Variants in NRG3 observed in about 807,000 individuals in gnomAD.
NRG3 encodes pro-neuregulin-3, membrane-bound isoform.
In NRG3, 31 loss-of-function variants were observed where a neutral mutation model predicts 66.9. That is an observed-to-expected ratio of 0.46 (90% CI 0.35 to 0.63). NRG3 has a LOEUF of 0.63. Among genes scored for constraint, NRG3 ranks in the 20% least tolerant of loss-of-function variants. The pLI is 0.00. For synonymous variants in NRG3, 393 were observed against 359.4 expected (o/e 1.09, Z -1.06); for missense variants, 910 against 878.9 (o/e 1.04, Z -0.45).
intron 2 of NRG3, among the ~76,000 whole-genome samples, chr10:82,594,838 T>G (rs1306218708): frequency 6.6e-6 from 1 of 152,004 alleles, no homozygotes; most frequent in Non-Finnish European, 1.5e-5. Flanking sequence ...TATCTTTTTT[T>G]AAATAAGGTG....
intron 1 of NRG3, among the ~76,000 whole-genome samples, chr10:82,154,869 A>G (rs1700071512): frequency 6.6e-6 from 1 of 151,794 alleles, no homozygotes; most frequent in South Asian, 2.1e-4. Context: ...TTAGTGTTAT[A>G]GGAAATGTAC....
At chr10:82,301,979 T>C (rs756465660) in intron 1 of NRG3, among the ~76,000 whole-genome samples, 2 of 151,952 alleles carry the variant, frequency 1.3e-5, no homozygotes, top group African/African-American at 2.4e-5. Flanking sequence ...ATTGACTCCA[T>C]TTAGAGAAAA....
At chr10:82,963,762 A>AAAAACTTGAAAAT (rs1564672196) in intron 6 of NRG3, among the ~76,000 whole-genome samples, 2 of 152,240 alleles carry the variant, frequency 1.3e-5, no homozygotes, top group Admixed American at 6.5e-5. Context: ...TACAAATTCC[A>AAAAACTTGAAAAT]AAAACTTGAA....
chr10:82,875,757 A>G (rs962251931), intron 4 of NRG3, among the ~76,000 whole-genome samples: 2 of 152,202 alleles, frequency 1.3e-5, no homozygotes, highest in African/African-American at 4.8e-5. Flanking sequence ...TTTTGTTTTA[A>G]CAAAGTTATC....
At chr10:82,154,037 T>C (rs775313369) in intron 1 of NRG3, among the ~76,000 whole-genome samples, 1 of 152,022 alleles carries the variant, frequency 6.6e-6, no homozygotes, top group Admixed American at 6.6e-5. Context: ...CACTTCGTTC[T>C]TAATTGTTTT....
At chr10:82,199,202 T>G (rs937890797) in intron 1 of NRG3, among the ~76,000 whole-genome samples, 1 of 147,126 alleles carries the variant, frequency 6.8e-6, no homozygotes, top group African/African-American at 2.5e-5. Context: ...GAAAAAAAAA[T>G]AACTCAAGTA....
chr10:82,620,958 C>T (rs1590906574), intron 2 of NRG3, among the ~76,000 whole-genome samples: 1 of 152,030 alleles, frequency 6.6e-6, no homozygotes, highest in Middle Eastern at 3.4e-3. Flanking sequence ...TTAGAATTGG[C>T]ATTATCAAGG....
intron 1 of NRG3, among the ~76,000 whole-genome samples, chr10:81,939,562 G>C (rs919282482): frequency 6.6e-6 from 1 of 151,550 alleles, no homozygotes; most frequent in Non-Finnish European, 1.5e-5. Flanking sequence ...TGTATGATTA[G>C]TTATAGCAAT....
At chr10:82,131,368 C>G (rs1045063649) in intron 1 of NRG3, among the ~76,000 whole-genome samples, 1 of 152,038 alleles carries the variant, frequency 6.6e-6, no homozygotes, top group Non-Finnish European at 1.5e-5. Flanking sequence ...GGATTTATTT[C>G]TGGGTTCTCT....
At chr10:81,898,688 G>A (rs1046458621) in intron 1 of NRG3, among the ~76,000 whole-genome samples, 9 of 151,018 alleles carry the variant, frequency 6.0e-5, no homozygotes, top group Non-Finnish European at 1.2e-4. Context: ...TAAATAATAC[G>A]TGTTTGAAGA....
intron 1 of NRG3, among the ~76,000 whole-genome samples, chr10:82,047,633 C>G (rs1251629087): frequency 6.6e-6 from 1 of 151,862 alleles, no homozygotes; most frequent in East Asian, 1.9e-4. Flanking sequence ...CCAGTACCAG[C>G]TGCCGCAAAA....
At chr10:82,077,598 G>A (rs1411255087) in intron 1 of NRG3, among the ~76,000 whole-genome samples, 2 of 152,146 alleles carry the variant, frequency 1.3e-5, no homozygotes, top group African/African-American at 4.8e-5. Context: ...GCACAGGAAT[G>A]GGAGAGGAAA....
At chr10:82,595,432 A>G (rs942627838) in intron 2 of NRG3, among the ~76,000 whole-genome samples, 1 of 152,176 alleles carries the variant, frequency 6.6e-6, no homozygotes, top group Non-Finnish European at 1.5e-5. Context: ...TTTAGAGTAT[A>G]AGGTCCTTGA....
At chr10:81,940,381 C>G (rs908173980) in intron 1 of NRG3, among the ~76,000 whole-genome samples, 8 of 152,152 alleles carry the variant, frequency 5.3e-5, no homozygotes, top group Admixed American at 2.0e-4. Flanking sequence ...CAGTTTCACT[C>G]TATTTCCCAG....
intron 1 of NRG3, among the ~76,000 whole-genome samples, chr10:82,313,164 C>T (rs551302900): frequency 6.6e-6 from 1 of 151,864 alleles, no homozygotes; most frequent in Non-Finnish European, 1.5e-5. Flanking sequence ...CAGAGCGAGA[C>T]CCTGTCTCAA....
At chr10:82,062,621 GA>G (rs148660592) in intron 1 of NRG3, among the ~76,000 whole-genome samples, 6,360 of 151,066 alleles carry the variant, frequency 0.042, 470 homozygotes, top group African/African-American at 0.15. Context: ...AAAAGAAAAA[GA>G]AAAAAAATAA....
intron 3 of NRG3, among the ~76,000 whole-genome samples, chr10:82,810,454 A>G (rs2061444706): frequency 6.6e-6 from 1 of 152,128 alleles, no homozygotes; most frequent in South Asian, 2.1e-4. Context: ...GACTAAAGAC[A>G]AACAGATCAG....
At chr10:82,321,794 A>G (rs909334334) in intron 1 of NRG3, among the ~76,000 whole-genome samples, 15 of 152,220 alleles carry the variant, frequency 9.9e-5, no homozygotes, top group African/African-American at 1.7e-4. Context: ...AGAGATGTGT[A>G]TATTTCCTGA....
At chr10:82,287,019 C>G (rs549448100) in intron 1 of NRG3, among the ~76,000 whole-genome samples, 2 of 152,172 alleles carry the variant, frequency 1.3e-5, no homozygotes, top group African/African-American at 4.8e-5. Flanking sequence ...AATTAAAGTA[C>G]TGTTATAGCA....
Sources: gnomAD v4.1 joint callset for allele counts (sites outside exome capture counted in the v4.1 genomes callset) on GRCh38, gnomAD v4.1.1 for gene constraint, MANE v1.5 for transcripts, NCBI Gene and HGNC (gene_info 2026-07-23, HGNC 2026-07-21) for gene names.